XIRP2: variants seen among roughly 807,000 people sequenced by gnomAD.
XIRP2 encodes the protein xin actin-binding repeat-containing protein 2.
A neutral mutation model predicts 277.0 loss-of-function variants in XIRP2; 236 were observed. The observed-to-expected ratio is 0.85, with a 90% CI of 0.77 to 0.95. The LOEUF is 0.95. Among genes scored for constraint, XIRP2 ranks in the 40% least tolerant of loss-of-function variants. XIRP2 has a pLI of 0.00. For synonymous variants in XIRP2, 1,490 were observed against 1,416.5 expected, an observed-to-expected ratio of 1.05 and a Z score of -1.17; for missense variants, 4,640 against 4,157.5, an observed-to-expected ratio of 1.12 and a Z score of -3.19.
intron 3 of XIRP2, among the ~76,000 whole-genome samples, chr2:167,162,712 T>C (rs1692407395): frequency 6.6e-6 from 1 of 152,212 alleles, no homozygotes; most frequent in African/African-American, 2.4e-5. Context: ...TATTGAGGTA[T>C]AATTTACACA....
At chr2:167,175,387 A>G (rs548162050) in intron 3 of XIRP2, among the ~76,000 whole-genome samples, 47 of 152,242 alleles carry the variant, frequency 3.1e-4, no homozygotes, top group Non-Finnish European at 5.9e-4. Flanking sequence ...TCTAACAGTC[A>G]GGCCCCTCTG....
intron 2 of XIRP2, among the ~76,000 whole-genome samples, chr2:166,907,682 T>C (rs907946786): frequency 2.6e-4 from 39 of 151,886 alleles, no homozygotes; most frequent in Admixed American, 1.7e-3. Flanking sequence ...GTTACATATG[T>C]ATACATGTGC....
intron 2 of XIRP2, among the ~76,000 whole-genome samples, chr2:167,126,451 A>T (rs1203365457): frequency 3.9e-5 from 6 of 152,144 alleles, no homozygotes; most frequent in Non-Finnish European, 7.3e-5. Context: ...GGAGGAGTGG[A>T]AGGTACATTA....
intron 2 of XIRP2, among the ~76,000 whole-genome samples, chr2:167,087,747 C>G (rs1008165424): frequency 6.6e-6 from 1 of 151,674 alleles, no homozygotes; most frequent in Non-Finnish European, 1.5e-5. Context: ...GGAAAGGGAA[C>G]TCCCTGACCC....
chr2:167,125,482 C>T (rs1691175029), intron 2 of XIRP2, among the ~76,000 whole-genome samples: 1 of 152,124 alleles, frequency 6.6e-6, no homozygotes, highest in South Asian at 2.1e-4. Context: ...AGTGTGTGGC[C>T]TTGGGCAAGT....
chr2:167,024,671 T>A (rs1297383683), intron 2 of XIRP2, among the ~76,000 whole-genome samples: 1 of 152,218 alleles, frequency 6.6e-6, no homozygotes, highest in Admixed American at 6.5e-5. Flanking sequence ...GACGTGTTGT[T>A]GAATTTTGTC....
chr2:166,948,405 A>G (rs1197650870), intron 2 of XIRP2, among the ~76,000 whole-genome samples: 1 of 152,124 alleles, frequency 6.6e-6, no homozygotes, highest in Non-Finnish European at 1.5e-5. Context: ...AAAGTCTACT[A>G]TGTGGTAGCT....
intron 1 of XIRP2, among the ~76,000 whole-genome samples, chr2:166,902,582 T>C (rs1574063400): frequency 6.6e-6 from 1 of 151,986 alleles, no homozygotes; most frequent in South Asian, 2.1e-4. Flanking sequence ...CATATAATTC[T>C]TGCTGCCCAT....
intron 3 of XIRP2, among the ~76,000 whole-genome samples, chr2:167,209,176 TTG>T (rs1384662552): frequency 2.0e-5 from 3 of 152,224 alleles, no homozygotes; most frequent in Non-Finnish European, 4.4e-5. Context: ...CTTTGTATCT[TTG>T]TGATAGTATG....
In XIRP2 at chr2:167,248,177, G is replaced by C. The variant is rs1173566782; in HGVS notation, c.6785G>C (p.Gly2262Ala). 6.2e-7 allele frequency: 1 copy of C among 1,613,620 alleles called. No individual in the cohort carries two copies. ...DFLMKTNTST[G>A]LKMAMERSLN... is the part of the protein sequence containing the mutation. ...CTAATGAAAACAAATACTTCCACAG[G>C]CTTAAAAATGGCAATGGAAAGGTCC... is the stretch of plus-strand genomic sequence containing the variant. The change falls in exon 9 of 11, where the codon GGC becomes GCC. Residue 2262 changes from glycine to alanine, a missense_variant. Coordinates refer to ENST00000409195, the MANE Select transcript of XIRP2 (RefSeq NM_152381.6).
In XIRP2 at chr2:167,247,534, A is replaced by G; in HGVS notation, c.6142A>G (p.Asn2048Asp). The G allele has an allele frequency of 1.2e-6, 2 of 1,613,768 alleles. No homozygotes were observed. Among genetic ancestry groups the G allele is most frequent in the Admixed American group, 1.7e-5 (1 of 59,970 alleles). The change falls in exon 9 of 11, where the codon AAT (asparagine) becomes GAT (aspartate). Residue 2048 changes from asparagine (N) to aspartate (D), a missense_variant. Coordinates refer to ENST00000409195, the MANE Select transcript of XIRP2 (RefSeq NM_152381.6). ...GGAGAAAAGCCTTAGAAGACTATCTAATTCACACCATAAATCTAATGTTTT... is the reference window on the plus strand; with the variant it reads ...GGAGAAAAGCCTTAGAAGACTATCTGATTCACACCATAAATCTAATGTTTT... ...ALEKSLRRLSNSHHKSNVLES... is the reference protein window; with the variant it reads ...ALEKSLRRLSDSHHKSNVLES...
At chr2:167,028,651 T>C (rs976855038) in intron 2 of XIRP2, among the ~76,000 whole-genome samples, 1 of 151,868 alleles carries the variant, frequency 6.6e-6, no homozygotes, top group Non-Finnish European at 1.5e-5. Context: ...CTTCAATGTC[T>C]AGACACAGAT....
intron 2 of XIRP2, among the ~76,000 whole-genome samples, chr2:167,060,328 C>T (rs750530934): frequency 6.6e-6 from 1 of 152,056 alleles, no homozygotes; most frequent in Non-Finnish European, 1.5e-5. Flanking sequence ...TCTATTACCC[C>T]CTTCTTAGGA....
chr2:166,959,117 G>C (rs1179919812), intron 2 of XIRP2, among the ~76,000 whole-genome samples: 1 of 151,764 alleles, frequency 6.6e-6, no homozygotes, highest in South Asian at 2.1e-4. Context: ...TCGAGAGAAT[G>C]TATTTTTTAA....
At chr2:166,964,594 T>C (rs1346138802) in intron 2 of XIRP2, among the ~76,000 whole-genome samples, 3 of 151,866 alleles carry the variant, frequency 2.0e-5, no homozygotes, top group Non-Finnish European at 4.4e-5. Context: ...ATCCTCCTTT[T>C]ATCATCCTTC....
chr2:167,175,138 T>G (rs964040431), intron 3 of XIRP2, among the ~76,000 whole-genome samples: 1 of 152,172 alleles, frequency 6.6e-6, no homozygotes, highest in Admixed American at 6.5e-5. Flanking sequence ...AATATCCTTG[T>G]TAACTTTCTG....
chr2:166,969,123 T>C (rs1242100618), intron 2 of XIRP2, among the ~76,000 whole-genome samples: 1 of 151,968 alleles, frequency 6.6e-6, no homozygotes, highest in East Asian at 1.9e-4. Flanking sequence ...TTTCTAAATC[T>C]ACGTGTTTCT....
intron 2 of XIRP2, among the ~76,000 whole-genome samples, chr2:167,089,094 G>T (rs115692638): frequency 7.0e-4 from 107 of 152,258 alleles, no homozygotes; most frequent in African/African-American, 2.5e-3. Context: ...TAGTACACCA[G>T]CAGTGTACTA....
intron 3 of XIRP2, among the ~76,000 whole-genome samples, chr2:167,183,445 AT>A (rs1693072458): frequency 1.3e-5 from 2 of 152,214 alleles, no homozygotes. Flanking sequence ...TTAATAAAAA[AT>A]ATCCATACCC....
Sources: allele counts gnomAD v4.1 joint callset (sites outside exome capture counted in the v4.1 genomes callset), GRCh38; gene constraint gnomAD v4.1.1; transcripts MANE v1.5; gene names NCBI Gene and HGNC (gene_info 2026-07-23, HGNC 2026-07-21).